ZNF138: variants seen among roughly 807,000 people sequenced by gnomAD.
ZNF138 encodes the protein zinc finger protein 138.
In ZNF138, 33 loss-of-function variants were observed where a neutral mutation model predicts 33.0. The observed-to-expected ratio is 1.00, with a 90% confidence interval of 0.76 to 1.34. ZNF138 has a LOEUF of 1.34. Among genes scored for constraint, ZNF138 ranks in the 40% most tolerant of loss-of-function variants. The probability of loss-of-function intolerance (pLI) is 0.00; values close to 1 mark genes in which losing one functional copy is unlikely to be tolerated. For synonymous variants in ZNF138, 139 were observed against 120.4 expected, an observed-to-expected ratio of 1.15 and a Z score of -1.01; for missense variants, 360 against 370.8, an observed-to-expected ratio of 0.97 and a Z score of 0.24.
chr7:64,839,460 T>C, the ZNF138 span, among the ~76,000 whole-genome samples: 149,968 of 152,184 alleles, frequency 0.99, 73,933 homozygotes, highest in East Asian at 1. Context: ...CAGACGTCTC[T>C]GAGTCGTCAA....
At chr7:64,802,113 T>C (rs1388739628) in intron 1 of ZNF138, among the ~76,000 whole-genome samples, 4 of 152,168 alleles carry the variant, frequency 2.6e-5, no homozygotes, top group Non-Finnish European at 2.9e-5. Context: ...ATTTAAGAAA[T>C]ACATGGATTT....
In ZNF138 at chr7:64,831,904, A is replaced by G. The variant is rs1259641714; in HGVS notation, c.662A>G (p.Lys221Arg). 1.9e-6 allele frequency: 3 copies of G among 1,613,836 alleles called. No homozygotes were observed. The highest frequency in any genetic ancestry group is 2.5e-6 in the Non-Finnish European group (3 of 1,179,826). Residue 221 changes from lysine (K) to arginine (R), a missense_variant, in exon 4 of 4, where the codon AAA (lysine) becomes AGA (arginine). By Grantham distance (26) the Lys-to-Arg change is conservative. Coordinates refer to ENST00000307355, the MANE Select transcript of ZNF138 (RefSeq NM_001271639.2). ...CCTAAGAAAATTCATACTGGAGAAA[A>G]ACCCTACAAATGTGAAGTATGTGGA... ...SKPKKIHTGE[K>R]PYKCEVCGKA...
At chr7:64,810,530 TTACTC>T (rs1265811429) in intron 1 of ZNF138, among the ~76,000 whole-genome samples, 1 of 151,646 alleles carries the variant, frequency 6.6e-6, no homozygotes, top group Non-Finnish European at 1.5e-5. Flanking sequence ...TCCAATAAAA[TTACTC>T]TAGAAAACCC....
chr7:64,812,104 C>A (rs1788220141), intron 1 of ZNF138, among the ~76,000 whole-genome samples: 1 of 123,856 alleles, frequency 8.1e-6, no homozygotes, highest in African/African-American at 3.0e-5. Flanking sequence ...CTGTGACTCT[C>A]AGGTGAGGAC....
intron 3 of ZNF138, chr7:64,831,081 G>A (rs370000346): frequency 1.3e-5 from 20 of 1,549,214 alleles, no homozygotes; most frequent in Middle Eastern, 1.7e-4. Flanking sequence ...AAAGATGTAT[G>A]TGTTATTATT....
chr7:64,820,750 G>A lies in ZNF138; in HGVS notation c.208+5097G>A, dbSNP rs942011626. Among the ~76,000 whole-genome samples the A allele has an allele frequency of 3.3e-5, 5 of 151,470 alleles. 1 individual carries two copies. Among genetic ancestry groups the A allele is most frequent in the African/African-American group, 1.2e-4 (5 of 40,840 alleles). ...GGCTAAGTTTTGTATTTTTAGTAGA[G>A]ACAAGGTTTCACCATTTTGGCCAGG... On this transcript the variant is annotated intron_variant, in intron 3 of 3. Transcript: ENST00000307355.
chr7:64,827,910 C>T (rs7785735), intron 3 of ZNF138, among the ~76,000 whole-genome samples: 97,742 of 151,986 alleles, frequency 0.64, 32,171 homozygotes, highest in African/African-American at 0.78. Flanking sequence ...TATCTCTGTA[C>T]AATTTAAGAC....
chr7:64,841,814 T>C, the ZNF138 span, among the ~76,000 whole-genome samples: 1 of 152,182 alleles, frequency 6.6e-6, no homozygotes, highest in Admixed American at 6.5e-5. Context: ...TTGGTTTTAG[T>C]TAGAGAGTTT....
chr7:64,835,390 T>C (rs945643283), downstream of ZNF138: 25 of 152,166 alleles, frequency 1.6e-4, no homozygotes, highest in African/African-American at 5.3e-4. Flanking sequence ...ACCCTGGTGA[T>C]TTCTTGTATC....
At chr7:64,844,753 C>T in the ZNF138 span, among the ~76,000 whole-genome samples, 2 of 152,148 alleles carry the variant, frequency 1.3e-5, no homozygotes, top group South Asian at 4.1e-4. Context: ...CTGGCACAAT[C>T]TCTGCTCACT....
chr7:64,815,910 C>G (rs1788587976), intron 3 of ZNF138, among the ~76,000 whole-genome samples: 1 of 152,182 alleles, frequency 6.6e-6, no homozygotes, highest in South Asian at 2.1e-4. Context: ...ATATAAAAGA[C>G]TGCACAATCT....
intron 3 of ZNF138, among the ~76,000 whole-genome samples, chr7:64,820,855 C>T (rs956914618): frequency 3.3e-5 from 5 of 151,390 alleles, no homozygotes; most frequent in Non-Finnish European, 7.4e-5. Flanking sequence ...TGAGCCACTG[C>T]ACCCAGCCCA....
chr7:64,831,876 A>G lies in ZNF138; in HGVS notation c.634A>G (p.Lys212Glu), dbSNP rs368149803. ...KTFNWSTNLS[K>E]PKKIHTGEKP... ...CTTTAACTGGTCCACAAACCTTTCT[A>G]AACCTAAGAAAATTCATACTGGAGA... The change falls in exon 4 of 4, where the codon AAA becomes GAA. Residue 212 changes from lysine (K) to glutamate (E), a missense_variant. By Grantham distance (56) the Lys-to-Glu change is moderately conservative. Coordinates refer to ENST00000307355, the MANE Select transcript of ZNF138 (RefSeq NM_001271639.2). The G allele has an allele frequency of 8.7e-6, 14 of 1,613,780 alleles. No individual in the cohort carries two copies. The highest frequency in any genetic ancestry group is 3.3e-5 in the Admixed American group (2 of 59,994).
At chr7:64,843,114 T>C in the ZNF138 span, among the ~76,000 whole-genome samples, 1 of 152,212 alleles carries the variant, frequency 6.6e-6, no homozygotes, top group African/African-American at 2.4e-5. Context: ...TATAATGTTT[T>C]CCTCCAGGTT....
the ZNF138 span, chr7:64,853,253 G>C: frequency 6.2e-7 from 1 of 1,609,742 alleles, no homozygotes; most frequent in African/African-American, 1.3e-5. Flanking sequence ...GGACATCTTG[G>C]GGCACTTTGT....
chr7:64,848,744 G>A, the ZNF138 span, among the ~76,000 whole-genome samples: 7 of 128,574 alleles, frequency 5.4e-5, no homozygotes, highest in Admixed American at 3.9e-4. Context: ...TCGCTCTGTC[G>A]CCCAGGCTGG....
rs771169255 is a variant in ZNF138 at position 64,831,529 on chromosome 7, G to A, written c.287G>A (p.Arg96Lys). Residue 96 changes from arginine to lysine, a missense_variant, in exon 4 of 4, where the codon AGA (arginine) becomes AAA (lysine). Arg to Lys is a conservative substitution (Grantham distance 26, BLOSUM62 2). Transcript: ENST00000307355. ...KDSFQKVTLS[R>K]YGKYGHKNLQ... Reference sequence around the variant, plus strand: ...TCTTTCCAAAAAGTGACACTGAGCAGATATGGAAAATATGGACATAAGAAT... The same window carrying A: ...TCTTTCCAAAAAGTGACACTGAGCAAATATGGAAAATATGGACATAAGAAT... 3.7e-6 allele frequency: 6 copies of A among 1,613,056 alleles called. No homozygotes were observed. The highest frequency in any genetic ancestry group is 5.1e-6 in the Non-Finnish European group (6 of 1,179,660).
intron 3 of ZNF138, among the ~76,000 whole-genome samples, chr7:64,827,407 G>A (rs1216416265): frequency 6.6e-6 from 1 of 151,896 alleles, no homozygotes; most frequent in Non-Finnish European, 1.5e-5. Context: ...ACCACGCCTG[G>A]CTAATTTTTT....
downstream of ZNF138, among the ~76,000 whole-genome samples, chr7:64,837,683 T>G (rs963890265): frequency 2.6e-5 from 4 of 152,188 alleles, no homozygotes; most frequent in Admixed American, 2.6e-4. Flanking sequence ...GCGGATGGTA[T>G]GGAGTGTGTA....
Sources: allele counts gnomAD v4.1 joint callset (sites outside exome capture counted in the v4.1 genomes callset), GRCh38; gene constraint gnomAD v4.1.1; transcripts MANE v1.5; gene names NCBI Gene and HGNC (gene_info 2026-07-23, HGNC 2026-07-21).